TAOK1: variants seen among roughly 807,000 people sequenced by gnomAD.
TAOK1 encodes serine/threonine-protein kinase TAO1.
TAOK1 carries 21 observed loss-of-function variants against 138.3 expected under a neutral mutation model. That is an observed-to-expected ratio of 0.15 (90% confidence interval 0.11 to 0.22). The LOEUF (loss-of-function observed/expected upper bound fraction) is 0.22. Ranked by LOEUF, TAOK1 falls within the 10% of genes least tolerant of loss-of-function variation. The pLI is 1.00. For synonymous variants in TAOK1, 361 were observed against 398.4 expected (o/e 0.91, Z 1.12); for missense variants, 651 against 1,227.7 (o/e 0.53, Z 7.02).
intron 2 of TAOK1, among the ~76,000 whole-genome samples, chr17:29,458,978 C>T (rs2030465900): frequency 6.6e-6 from 1 of 152,106 alleles, no homozygotes; most frequent in South Asian, 2.1e-4. Flanking sequence ...CCTTGGCCTC[C>T]CAACGTGCTG....
intron 10 of TAOK1, among the ~76,000 whole-genome samples, 183 bp downstream of exon 10, chr17:29,492,048 C>G (rs2031306050): frequency 6.6e-6 from 1 of 152,022 alleles, no homozygotes; most frequent in South Asian, 2.1e-4. Context: ...CTGAACCCGG[C>G]TAATTTTTGT....
At chr17:29,457,614 C>G (rs1598489087) in intron 2 of TAOK1, among the ~76,000 whole-genome samples, 2 of 150,884 alleles carry the variant, frequency 1.3e-5, no homozygotes, top group Non-Finnish European at 3.0e-5. Context: ...CCATGTTGGC[C>G]AGGCTGGTCT....
intron 1 of TAOK1, among the ~76,000 whole-genome samples, chr17:29,449,029 G>A (rs565423509): frequency 1.9e-4 from 29 of 152,152 alleles, no homozygotes; most frequent in African/African-American, 6.7e-4. Flanking sequence ...CTTTGAGTGG[G>A]AATTTGTTAG....
intron 2 of TAOK1, among the ~76,000 whole-genome samples, chr17:29,456,276 C>T (rs1021501061): frequency 5.3e-5 from 8 of 149,762 alleles, no homozygotes; most frequent in Admixed American, 4.0e-4. Flanking sequence ...TGAACCCGTC[C>T]ATGAGGTGGA....
intron 1 of TAOK1, among the ~76,000 whole-genome samples, chr17:29,422,875 ATTAACC>A (rs1905498116): frequency 6.6e-6 from 1 of 152,154 alleles, no homozygotes; most frequent in African/African-American, 2.4e-5. Context: ...ACATGCAAAA[ATTAACC>A]GGGCGTGGTG....
chr17:29,440,066 AAC>A (rs1312372847), intron 1 of TAOK1, among the ~76,000 whole-genome samples: 16 of 152,114 alleles, frequency 1.1e-4, no homozygotes, highest in African/African-American at 2.7e-4. Context: ...GCAAAGTTGT[AAC>A]ACAGATTTTG....
intron 1 of TAOK1, among the ~76,000 whole-genome samples, chr17:29,406,773 G>GCCTA (rs949544493): frequency 3.4e-4 from 52 of 152,116 alleles, no homozygotes; most frequent in African/African-American, 1.2e-3. Context: ...TCTCCATGTT[G>GCCTA]CCTAGGCTGG....
chr17:29,534,421 T>A, intron 19 of TAOK1, 121 bp downstream of exon 19: 1 of 916,802 alleles, frequency 1.1e-6, no homozygotes, highest in Non-Finnish European at 1.5e-6. Flanking sequence ...CCACATTTCC[T>A]GAATTCTAGT....
At chr17:29,439,948 G>A (rs1388728937) in intron 1 of TAOK1, among the ~76,000 whole-genome samples, 1 of 151,048 alleles carries the variant, frequency 6.6e-6, no homozygotes, top group Non-Finnish European at 1.5e-5. Flanking sequence ...TAATTTGACA[G>A]TCCTACTTCC....
chr17:29,482,138 T>C lies in TAOK1; in HGVS notation c.564-59T>C, dbSNP rs1047798989. ...CTCCATGTAGATGACTGTTACATTC[T>C]CAAAGGATAGAATACTTTTTAAAAA... On this transcript the variant is annotated intron_variant, in intron 7 of 19. Transcript: ENST00000261716. 2.3e-6 allele frequency: 3 copies of C among 1,291,092 alleles called. No individual in the cohort carries two copies. In the African/African-American group the frequency reaches 4.5e-5, roughly 19 times the overall value. The allele number at this position is 1,291,092 out of a possible 1,614,324, so 80.0% of individuals were successfully genotyped here. A position where few individuals can be genotyped will look rare whatever the true frequency, so the allele number is the denominator to read the frequency against.
chr17:29,536,255 C>A (rs1019421589), intron 19 of TAOK1, among the ~76,000 whole-genome samples: 14 of 150,374 alleles, frequency 9.3e-5, no homozygotes, highest in Non-Finnish European at 1.3e-4. Context: ...GCCGAGATGG[C>A]GCCACTGCAC....
intron 15 of TAOK1, chr17:29,512,717 C>G (rs2031744891): frequency 6.8e-6 from 1 of 147,204 alleles, no homozygotes; most frequent in African/African-American, 2.5e-5. Context: ...GAGTCTTGCT[C>G]TGTCACCCAG....
intron 1 of TAOK1, among the ~76,000 whole-genome samples, chr17:29,433,999 T>C (rs773789061): frequency 6.6e-6 from 1 of 152,024 alleles, no homozygotes; most frequent in Admixed American, 6.6e-5. Flanking sequence ...CATTTGGAGT[T>C]TGATGGCCTG....
intron 1 of TAOK1, among the ~76,000 whole-genome samples, chr17:29,444,194 T>C (rs1185479940): frequency 6.6e-6 from 1 of 152,230 alleles, no homozygotes; most frequent in Admixed American, 6.5e-5. Flanking sequence ...TATGTGTATT[T>C]AGCAGACTAG....
intron 1 of TAOK1, among the ~76,000 whole-genome samples, chr17:29,441,922 A>G (rs1415371520): frequency 2.0e-5 from 3 of 151,844 alleles, no homozygotes; most frequent in South Asian, 4.1e-4. Flanking sequence ...CTCTGCTTTC[A>G]TTACTGATTT....
chr17:29,420,585 G>GGTT (rs537332891), intron 1 of TAOK1, among the ~76,000 whole-genome samples: 1 of 123,530 alleles, frequency 8.1e-6, no homozygotes, highest in Non-Finnish European at 1.6e-5. Context: ...TACTTAATCT[G>GGTT]TTTTTTTTTT....
rs560407340 is a variant in TAOK1 at position 29,491,030 on chromosome 17, A to G, written c.750-754A>G. The stretch of plus-strand genomic sequence containing the variant: ...TTCAACATCAGTTTTGGAGAAACAA[A>G]AACATTGAAACCATAGTTGATACAT... On this transcript the variant is annotated intron_variant, in intron 9 of 19. Coordinates refer to ENST00000261716, the MANE Select transcript of TAOK1 (RefSeq NM_020791.4). Among the ~76,000 whole-genome samples the G allele has an allele frequency of 2.4e-4, 36 of 152,326 alleles. No individual in the cohort carries two copies. The South Asian group carries it at 6.8e-3, about 29-fold the overall frequency.
chr17:29,454,746 G>A (rs1005999440), intron 2 of TAOK1, among the ~76,000 whole-genome samples: 4 of 151,816 alleles, frequency 2.6e-5, no homozygotes, highest in South Asian at 4.2e-4. Context: ...CTGTCACCCA[G>A]GTTAGAGTGC....
intron 1 of TAOK1, among the ~76,000 whole-genome samples, chr17:29,439,351 C>T (rs190273412): frequency 0.011 from 1,608 of 151,828 alleles, 13 homozygotes; most frequent in South Asian, 0.035. Context: ...TACAGGTGCG[C>T]GCCACCATGC....
Sources: allele counts gnomAD v4.1 joint callset (sites outside exome capture counted in the v4.1 genomes callset), GRCh38; gene constraint gnomAD v4.1.1; transcripts MANE v1.5; gene names NCBI Gene and HGNC (gene_info 2026-07-23, HGNC 2026-07-21).